PYGB: variants seen among roughly 807,000 people sequenced by gnomAD.
The protein encoded by PYGB is glycogen phosphorylase B, also known as glycogen phosphorylase, brain form.
A neutral mutation model predicts 94.3 loss-of-function variants in PYGB; 82 were observed. That is an observed-to-expected ratio of 0.87 (90% CI 0.73 to 1.04). The LOEUF is 1.04. Ranked by LOEUF, PYGB falls within the 50% of genes least tolerant of loss-of-function variation. PYGB has a pLI of 0.00. For synonymous variants in PYGB, 488 were observed against 479.1 expected (o/e 1.02, Z -0.24); for missense variants, 1,132 against 1,158.2 (o/e 0.98, Z 0.33).
intron 16 of PYGB, 57 bp from the exon 17 acceptor site, chr20:25,292,349 G>A (rs1030537138): frequency 1.9e-6 from 3 of 1,580,776 alleles, no homozygotes; most frequent in Admixed American, 3.4e-5. Flanking sequence ...AGTGAGCCTT[G>A]CGGCTGAGGA....
intron 1 of PYGB, among the ~76,000 whole-genome samples, chr20:25,256,235 C>T (rs1449753455): frequency 6.6e-6 from 1 of 152,186 alleles, no homozygotes; most frequent in Admixed American, 6.5e-5. Context: ...GTGTTACACT[C>T]TCTTTTCAGA....
chr20:25,276,809 A>G (rs2123561695), intron 6 of PYGB, 52 bp downstream of exon 6: 2 of 1,537,432 alleles, frequency 1.3e-6, no homozygotes, highest in Non-Finnish European at 1.8e-6. Context: ...GGCTGGTCCC[A>G]GACACCCTCG....
intron 19 of PYGB, 145 bp downstream of exon 19, chr20:25,295,815 G>A (rs1394749560): frequency 8.8e-6 from 8 of 910,230 alleles, no homozygotes; most frequent in Non-Finnish European, 1.2e-5. Context: ...TCAGTCGGCT[G>A]TGCCTGCCTT....
intron 2 of PYGB, among the ~76,000 whole-genome samples, chr20:25,262,368 A>G (rs946731583): frequency 6.6e-6 from 1 of 152,242 alleles, no homozygotes; most frequent in Non-Finnish European, 1.5e-5. Flanking sequence ...TTTCATATCC[A>G]GCCAAACTAA....
At chr20:25,296,283 A>T in intron 19 of PYGB, 87 bp from the exon 20 acceptor site, 1 of 1,524,430 alleles carries the variant, frequency 6.6e-7, no homozygotes, top group Non-Finnish European at 9.1e-7. Flanking sequence ...GCTCATTTGG[A>T]AACAGTCCTA....
At chr20:25,277,721 C>T (rs1432736428) in intron 7 of PYGB, among the ~76,000 whole-genome samples, 6 of 152,222 alleles carry the variant, frequency 3.9e-5, no homozygotes, top group East Asian at 1.9e-4. Context: ...TCCAGGGGAC[C>T]GTAGCGCCTA....
chr20:25,254,149 C>T (rs1017759292), intron 1 of PYGB, among the ~76,000 whole-genome samples: 1 of 151,450 alleles, frequency 6.6e-6, no homozygotes, highest in Non-Finnish European at 1.5e-5. Flanking sequence ...TCCGGAAAAA[C>T]AGGGAAGCTC....
chr20:25,260,463 G>A (rs1039554109), intron 2 of PYGB, among the ~76,000 whole-genome samples: 19 of 152,138 alleles, frequency 1.2e-4, no homozygotes, highest in African/African-American at 1.7e-4. Flanking sequence ...TAGAAATTGC[G>A]GGCAAGCATG....
At chr20:25,275,829 G>C (rs974460343) in intron 5 of PYGB, among the ~76,000 whole-genome samples, 1 of 152,202 alleles carries the variant, frequency 6.6e-6, no homozygotes, top group Non-Finnish European at 1.5e-5. Context: ...GTGGGGCAGG[G>C]GCAAGGGTTG....
chr20:25,252,367 G>C (rs950116996), intron 1 of PYGB, among the ~76,000 whole-genome samples: 1 of 152,206 alleles, frequency 6.6e-6, no homozygotes, highest in East Asian at 1.9e-4. Context: ...CCTCTGGGGG[G>C]GTCGGGGGGT....
intron 4 of PYGB, among the ~76,000 whole-genome samples, chr20:25,272,369 G>A (rs371918889): frequency 3.9e-5 from 6 of 152,152 alleles, no homozygotes; most frequent in Admixed American, 3.3e-4. Flanking sequence ...TCCAGGGCTC[G>A]TCCATGGCGT....
rs2088438021 is a variant in PYGB, at chr20:25,288,496, C to T, written c.1827+13C>T. On this transcript the variant is annotated intron_variant, in intron 15 of 19. Transcript: ENST00000216962. Reference sequence around the variant, plus strand: ...GATTGGGGGCAAGGTGAGTGACTTCCTCTGCAGTCCTCTCTGTGGTGTTTG... The same window carrying T: ...GATTGGGGGCAAGGTGAGTGACTTCTTCTGCAGTCCTCTCTGTGGTGTTTG... The T allele has an allele frequency of 6.2e-7, 1 of 1,613,476 alleles. No homozygotes were observed. The highest frequency in any genetic ancestry group is 1.3e-5 in the African/African-American group (1 of 75,026).
At chr20:25,273,376 C>T (rs1450922761) in intron 4 of PYGB, among the ~76,000 whole-genome samples, 1 of 151,956 alleles carries the variant, frequency 6.6e-6, no homozygotes, top group African/African-American at 2.4e-5. Flanking sequence ...GCCTGCTGTG[C>T]GGAGGGGCCT....
intron 11 of PYGB, 101 bp from the exon 12 acceptor site, chr20:25,281,932 T>A: frequency 9.9e-7 from 1 of 1,008,034 alleles, no homozygotes; most frequent in Non-Finnish European, 1.6e-6. Flanking sequence ...ACCACTGAGC[T>A]TGAGGGCTCC....
At chr20:25,271,040 G>C (rs548548684) in intron 3 of PYGB, among the ~76,000 whole-genome samples, 1 of 152,184 alleles carries the variant, frequency 6.6e-6, no homozygotes, top group Admixed American at 6.5e-5. Flanking sequence ...GGTTTCAGTG[G>C]AACGTGCAAG....
chr20:25,286,441 T>C (rs368105086), intron 14 of PYGB, among the ~76,000 whole-genome samples: 1 of 152,246 alleles, frequency 6.6e-6, no homozygotes, highest in African/African-American at 2.4e-5. Context: ...TTTGGCTCCA[T>C]GTCTTTCCAA....
chr20:25,283,766 A>G (rs1397335783), intron 13 of PYGB, among the ~76,000 whole-genome samples: 1 of 152,180 alleles, frequency 6.6e-6, no homozygotes, highest in Non-Finnish European at 1.5e-5. Context: ...AGAGGCCAGA[A>G]CTAGTTCTCC....
intron 2 of PYGB, 77 bp from the exon 3 acceptor site, chr20:25,269,052 C>T: frequency 8.0e-7 from 1 of 1,253,056 alleles, no homozygotes; most frequent in Non-Finnish European, 1.2e-6. Flanking sequence ...GCTCACAAGA[C>T]TTACACATCT....
At chr20:25,287,697 G>C (rs1363430336) in intron 14 of PYGB, among the ~76,000 whole-genome samples, 10 of 152,144 alleles carry the variant, frequency 6.6e-5, no homozygotes, top group African/African-American at 2.4e-4. Context: ...GAGTGGTAGA[G>C]TGCGAGGCGC....
Sources: allele counts gnomAD v4.1 joint callset (sites outside exome capture counted in the v4.1 genomes callset), GRCh38; gene constraint gnomAD v4.1.1; transcripts MANE v1.5; gene names NCBI Gene and HGNC (gene_info 2026-07-23, HGNC 2026-07-21).